Variants in CDYL2 observed in about 807,000 individuals in gnomAD.
The protein encoded by CDYL2 is chromodomain Y-like protein 2.
Under a neutral mutation model 49.4 loss-of-function variants are expected in CDYL2, and 23 were observed. The observed-to-expected ratio is 0.47, with a 90% CI of 0.34 to 0.66. The LOEUF (loss-of-function observed/expected upper bound fraction) is 0.66, where lower values mean the gene tolerates loss of function less well. Among genes scored for constraint, CDYL2 ranks in the 30% least tolerant of loss-of-function variants. The probability of loss-of-function intolerance (pLI) is 0.01; values close to 1 mark genes in which losing one functional copy is unlikely to be tolerated. For synonymous variants in CDYL2, 360 were observed against 268.8 expected (o/e 1.34, Z -3.32); for missense variants, 678 against 656.4 (o/e 1.03, Z -0.36).
intron 1 of CDYL2, among the ~76,000 whole-genome samples, chr16:80,713,735 A>T (rs1247340718): frequency 1.3e-5 from 2 of 152,016 alleles, no homozygotes; most frequent in African/African-American, 4.8e-5. Flanking sequence ...GGCCATAGGG[A>T]AGTGACCCTA....
In CDYL2 at chr16:80,608,179, C is replaced by T. The variant is rs117351184; in HGVS notation, c.1275G>A (p.Arg425=). 24,918 of 1,602,426 alleles carry T rather than the reference C, an allele frequency of 0.016. 293 individuals are homozygous for T. The highest frequency in any genetic ancestry group is 0.016 in the Non-Finnish European group (19,001 of 1,174,574). The change falls in exon 6 of 7, where the codon AGG becomes AGA. Residue 425 remains arginine (R), a synonymous_variant. Transcript: ENST00000570137. ...GCCAGAAGACCTGCGACACCAGCCCCCTGCTGCAGGCCTCCTGGGCGGTGA... is the reference window on the plus strand; with the variant it reads ...GCCAGAAGACCTGCGACACCAGCCCTCTGCTGCAGGCCTCCTGGGCGGTGA... The part of the protein sequence containing the change: ...RKLTAQEACS[R]GLVSQVFWPT...
intron 1 of CDYL2, among the ~76,000 whole-genome samples, chr16:80,785,650 G>C (rs1240741531): frequency 6.6e-6 from 1 of 152,128 alleles, no homozygotes; most frequent in East Asian, 1.9e-4. Context: ...AGCCCGCATA[G>C]CCAAGACAAT....
At chr16:80,785,360 C>T (rs541837184) in intron 1 of CDYL2, among the ~76,000 whole-genome samples, 4 of 152,256 alleles carry the variant, frequency 2.6e-5, no homozygotes, top group African/African-American at 9.6e-5. Context: ...AACTCCCATT[C>T]ACAATTGCTA....
chr16:80,645,391 T>C (rs1329410809), intron 2 of CDYL2, among the ~76,000 whole-genome samples: 3 of 152,242 alleles, frequency 2.0e-5, no homozygotes, highest in East Asian at 1.9e-4. Flanking sequence ...AAAATGCTCA[T>C]CATCACTGGC....
chr16:80,675,770 G>A (rs1909719602), intron 2 of CDYL2, among the ~76,000 whole-genome samples: 1 of 151,902 alleles, frequency 6.6e-6, no homozygotes, highest in East Asian at 1.9e-4. Flanking sequence ...TTTTATTATT[G>A]TTTTGGAGCC....
At chr16:80,618,089 C>A (rs1035186357) in intron 4 of CDYL2, among the ~76,000 whole-genome samples, 1 of 152,330 alleles carries the variant, frequency 6.6e-6, no homozygotes, top group African/African-American at 2.4e-5. Flanking sequence ...CTTGCTAGTT[C>A]ATGAACTAGC....
rs971226197 is a variant in CDYL2, at chr16:80,604,602, C to T, written c.1363-56G>A. On this transcript the variant is annotated intron_variant, in intron 6 of 6. Coordinates refer to ENST00000570137, the MANE Select transcript of CDYL2 (RefSeq NM_152342.4). ...GGGCACCAGGGACTCTGCTCCAGAA[C>T]TAGGTACCTGGCCCATGGGGCACTG... 2.5e-6 allele frequency: 4 copies of T among 1,596,456 alleles called. No homozygotes were observed. In the African/African-American group the frequency reaches 5.4e-5, roughly 21 times the overall value.
intron 1 of CDYL2, among the ~76,000 whole-genome samples, chr16:80,702,643 G>A (rs868234705): frequency 2.0e-5 from 3 of 152,124 alleles, no homozygotes; most frequent in Admixed American, 1.3e-4. Flanking sequence ...CCAGCTACTC[G>A]GGAGGCTGAG....
At chr16:80,629,433 C>T (rs9932584) in intron 3 of CDYL2, among the ~76,000 whole-genome samples, 152 of 152,150 alleles carry the variant, frequency 1.0e-3, no homozygotes, top group Admixed American at 1.6e-3. Context: ...ACGACAAGAG[C>T]GGTGTGAAAA....
chr16:80,598,704 C>T lies in CDYL2; in HGVS notation c.*5684G>A, dbSNP rs532049217. ...GCTTGGGACTACACAGTAGAAACAC[C>T]AACCTGAGATAGTGAGCTTCAATTA... On this transcript the variant is annotated 3_prime_UTR_variant, in exon 7 of 7. Coordinates refer to ENST00000570137, the MANE Select transcript of CDYL2 (RefSeq NM_152342.4). 14 of 152,182 alleles carry T rather than the reference C, an allele frequency of 9.2e-5. No homozygotes were observed. The highest frequency in any genetic ancestry group is 3.4e-4 in the African/African-American group (14 of 41,530). The allele number at this position is 152,182 out of a possible 1,614,324, so 9.4% of individuals were successfully genotyped here. A position where few individuals can be genotyped will look rare whatever the true frequency, so the allele number is the denominator to read the frequency against.
At chr16:80,646,946 G>A (rs1456904508) in intron 2 of CDYL2, among the ~76,000 whole-genome samples, 1 of 147,106 alleles carries the variant, frequency 6.8e-6, no homozygotes, top group Non-Finnish European at 1.5e-5. Flanking sequence ...CCAAAAAAGA[G>A]CACCAGTAGC....
At chr16:80,761,213 C>G (rs1316379563) in intron 1 of CDYL2, among the ~76,000 whole-genome samples, 1 of 152,086 alleles carries the variant, frequency 6.6e-6, no homozygotes, top group East Asian at 1.9e-4. Context: ...TTTGAACAAG[C>G]CCGCCAGGGG....
In CDYL2 at chr16:80,681,763, G is replaced by A. The variant is rs973012823; in HGVS notation, c.616+2775C>T. On this transcript the variant is annotated intron_variant, in intron 2 of 6. Coordinates refer to ENST00000570137, the MANE Select transcript of CDYL2 (RefSeq NM_152342.4). ...TTACTCCTTCCATGGAGCCAGCCTCGGGCGCCTTCTCAGCATGGGGCCAGA... is the reference window on the plus strand; with the variant it reads ...TTACTCCTTCCATGGAGCCAGCCTCAGGCGCCTTCTCAGCATGGGGCCAGA... 4.6e-5 allele frequency among the ~76,000 whole-genome samples: 7 copies of A among 152,128 alleles called. 1 individual carries two copies. The highest frequency in any genetic ancestry group is 4.1e-4 in the South Asian group (2 of 4,824).
chr16:80,733,634 T>A (rs1905412306), intron 1 of CDYL2, among the ~76,000 whole-genome samples: 1 of 152,176 alleles, frequency 6.6e-6, no homozygotes, highest in Non-Finnish European at 1.5e-5. Flanking sequence ...TCTTCGCAAG[T>A]GCTTTCTCAA....
chr16:80,797,738 T>C (rs1299169136), intron 1 of CDYL2, among the ~76,000 whole-genome samples: 2 of 152,198 alleles, frequency 1.3e-5, no homozygotes, highest in Non-Finnish European at 1.5e-5. Flanking sequence ...ATATACCAAA[T>C]GTTGATTCTT....
At chr16:80,637,544 A>T (rs912600687) in intron 2 of CDYL2, among the ~76,000 whole-genome samples, 1 of 152,220 alleles carries the variant, frequency 6.6e-6, no homozygotes, top group Non-Finnish European at 1.5e-5. Flanking sequence ...AAAGAAAAAC[A>T]ATTACTCCTG....
intron 3 of CDYL2, among the ~76,000 whole-genome samples, chr16:80,630,964 A>G (rs539822392): frequency 6.6e-6 from 1 of 152,142 alleles, no homozygotes; most frequent in Non-Finnish European, 1.5e-5. Flanking sequence ...TTCATCCTCC[A>G]AAACATACCC....
Position 80,601,461 on chromosome 16 carries a change from G to A in CDYL2, c.*2927C>T, listed in dbSNP as rs943973288. Reference sequence around the variant, plus strand: ...AAGACCTGCCCAGGCTCTTGGGAGTGACTTATGGGGGAAGGTACGGGAAAA... The same window carrying A: ...AAGACCTGCCCAGGCTCTTGGGAGTAACTTATGGGGGAAGGTACGGGAAAA... On this transcript the variant is annotated 3_prime_UTR_variant, in exon 7 of 7. Coordinates refer to ENST00000570137, the MANE Select transcript of CDYL2 (RefSeq NM_152342.4). The A allele has an allele frequency of 6.6e-6, 1 of 152,182 alleles. No individual in the cohort carries two copies. The highest frequency in any genetic ancestry group is 1.5e-5 in the Non-Finnish European group (1 of 68,046). The allele number at this position is 152,182 out of a possible 1,614,324, so 9.4% of individuals were successfully genotyped here.
At chr16:80,751,335 A>C (rs151085393) in intron 1 of CDYL2, among the ~76,000 whole-genome samples, 86 of 152,350 alleles carry the variant, frequency 5.6e-4, no homozygotes, top group African/African-American at 2.0e-3. Context: ...ATCCGGAGGA[A>C]GGACTTCATG....
Sources: gnomAD v4.1 joint callset for allele counts (sites outside exome capture counted in the v4.1 genomes callset) on GRCh38, gnomAD v4.1.1 for gene constraint, MANE v1.5 for transcripts, NCBI Gene and HGNC (gene_info 2026-07-23, HGNC 2026-07-21) for gene names.